Variants in VRK2 observed in about 807,000 individuals in gnomAD.
VRK2 encodes serine/threonine-protein kinase VRK2.
A neutral mutation model predicts 57.6 loss-of-function variants in VRK2; 60 were observed. That is an observed-to-expected ratio of 1.04 (90% CI 0.85 to 1.29). VRK2 has a LOEUF of 1.29. VRK2 is among the 50% of genes most tolerant of loss of function. The pLI is 0.00. For missense variants in VRK2, 705 were observed against 588.1 expected, an observed-to-expected ratio of 1.20 and a Z score of -2.06; for synonymous variants, 231 against 199.2, an observed-to-expected ratio of 1.16 and a Z score of -1.35.
chr2:57,957,612 T>C (rs1671626700), intron 1 of VRK2, among the ~76,000 whole-genome samples: 2 of 144,632 alleles, frequency 1.4e-5, no homozygotes, highest in South Asian at 4.2e-4. Flanking sequence ...ATATATATAC[T>C]ATATTATATA....
intron 7 of VRK2, among the ~76,000 whole-genome samples, chr2:58,098,555 ATTGTGTTACAG>A (rs1357899756): frequency 1.3e-4 from 20 of 152,158 alleles, no homozygotes; most frequent in Middle Eastern, 6.8e-3. Context: ...CACAAATGCT[ATTGTGTTACAG>A]TTGTCTGCAG....
At position 58,088,321 on chromosome 2, in the gene VRK2, T is replaced by A. The variant is rs1671916963; in HGVS notation, c.345-20T>A. ...ATTACTTTCTCAGGATGATCTCTTT[T>A]TGATGCTTTTTTCTTACAGTTACAG... On this transcript the variant is annotated intron_variant, in intron 5 of 12. Transcript: ENST00000340157. 3 of 1,524,864 alleles carry A rather than the reference T, an allele frequency of 2.0e-6. No individual in the cohort carries two copies. The highest frequency in any genetic ancestry group is 2.7e-6 in the Non-Finnish European group (3 of 1,110,664). 94.5% of individuals were successfully genotyped at this position (1,524,864 alleles called of 1,614,324 possible).
At chr2:58,075,130 T>C (rs1039520997) in intron 2 of VRK2, among the ~76,000 whole-genome samples, 19 of 152,266 alleles carry the variant, frequency 1.2e-4, no homozygotes, top group African/African-American at 4.1e-4. Flanking sequence ...TGCTTATAAG[T>C]GAGGACATGC....
At chr2:57,937,642 A>G (rs12990929) in intron 1 of VRK2, among the ~76,000 whole-genome samples, 2,231 of 152,296 alleles carry the variant, frequency 0.015, 23 homozygotes, top group Non-Finnish European at 0.023. Context: ...CCATTCAAAG[A>G]TCTGCACAGC....
At chr2:58,122,698 C>G (rs559294457) in intron 7 of VRK2, among the ~76,000 whole-genome samples, 1 of 152,190 alleles carries the variant, frequency 6.6e-6, no homozygotes, top group South Asian at 2.1e-4. Flanking sequence ...AGAATGTTTG[C>G]TCTTATCTCC....
intron 1 of VRK2, among the ~76,000 whole-genome samples, chr2:57,944,803 A>G (rs1282319506): frequency 7.2e-6 from 1 of 139,826 alleles, no homozygotes; most frequent in Non-Finnish European, 1.5e-5. Context: ...AATGGCAAAA[A>G]AAAGTCATCC....
chr2:58,152,755 A>ACAGTTTAACAGTCTAAC, intron 12 of VRK2, among the ~76,000 whole-genome samples: 1 of 151,802 alleles, frequency 6.6e-6, no homozygotes, highest in South Asian at 2.1e-4. Context: ...GTTTATTTTG[A>ACAGTTTAACAGTCTAAC]AGTAACTGTA....
At chr2:57,977,104 T>G (rs1672274949) in intron 1 of VRK2, among the ~76,000 whole-genome samples, 1 of 152,170 alleles carries the variant, frequency 6.6e-6, no homozygotes, top group African/African-American at 2.4e-5. Context: ...TCTGCTGTTT[T>G]GGTTACTGTA....
intron 3 of VRK2, among the ~76,000 whole-genome samples, chr2:58,037,421 G>C (rs1436868879): frequency 6.6e-6 from 1 of 152,044 alleles, no homozygotes; most frequent in Non-Finnish European, 1.5e-5. Context: ...CTTAGAATCT[G>C]TTTATTTTCT....
chr2:58,073,832 T>C (rs1669694021), intron 2 of VRK2, among the ~76,000 whole-genome samples: 1 of 151,932 alleles, frequency 6.6e-6, no homozygotes, highest in Non-Finnish European at 1.5e-5. Flanking sequence ...GCATCCAGCA[T>C]GGGAGAATGA....
At chr2:58,008,434 C>T (rs1158024631) in intron 1 of VRK2, among the ~76,000 whole-genome samples, 1 of 151,902 alleles carries the variant, frequency 6.6e-6, no homozygotes, top group African/African-American at 2.4e-5. Flanking sequence ...ATAATAGCTA[C>T]TGTTTATTTA....
intron 10 of VRK2, among the ~76,000 whole-genome samples, chr2:58,136,412 T>A (rs192863584): frequency 0.01 from 1,508 of 149,720 alleles, 14 homozygotes; most frequent in Non-Finnish European, 0.015. Context: ...TGAGACAGAG[T>A]CTCGCTCTGT....
intron 1 of VRK2, among the ~76,000 whole-genome samples, chr2:57,933,669 T>TC (rs1670813438): frequency 6.6e-6 from 1 of 151,262 alleles, no homozygotes; most frequent in South Asian, 2.1e-4. Context: ...GGTTGTTTTT[T>TC]TTTTCTTATC....
chr2:58,086,283 G>A (rs774085382), intron 4 of VRK2, 56 bp from the exon 5 acceptor site: 11 of 1,456,962 alleles, frequency 7.5e-6, no homozygotes, highest in Admixed American at 2.1e-5. Flanking sequence ...GTAGAAAGGT[G>A]ACAAGTATCT....
At chr2:58,068,329 T>G (rs555125962) in intron 2 of VRK2, among the ~76,000 whole-genome samples, 1 of 152,286 alleles carries the variant, frequency 6.6e-6, no homozygotes, top group East Asian at 1.9e-4. Context: ...CAAAAGGTAT[T>G]TTTGCTGGAT....
chr2:57,944,051 C>G (rs1296753456), intron 1 of VRK2, among the ~76,000 whole-genome samples: 1 of 152,102 alleles, frequency 6.6e-6, no homozygotes, highest in Non-Finnish European at 1.5e-5. Context: ...GACAGCTGAT[C>G]TAAATGAAAA....
chr2:57,921,127 C>A (rs982137185), intron 1 of VRK2, among the ~76,000 whole-genome samples: 1 of 151,942 alleles, frequency 6.6e-6, no homozygotes, highest in Non-Finnish European at 1.5e-5. Context: ...TGGTATTTTT[C>A]AAAATGTCTC....
chr2:58,098,510 T>G (rs34287580), intron 7 of VRK2, among the ~76,000 whole-genome samples: 10,334 of 152,180 alleles, frequency 0.068, 444 homozygotes, highest in South Asian at 0.14. Context: ...ATGGTACTTT[T>G]AATATACCTT....
chr2:58,048,636 G>A (rs912688093), intron 1 of VRK2, 191 bp from the exon 2 acceptor site: 5 of 1,494,286 alleles, frequency 3.3e-6, no homozygotes, highest in Non-Finnish European at 4.5e-6. Context: ...TTAGATCTCA[G>A]TATTGTAATG....
Sources: allele counts gnomAD v4.1 joint callset (sites outside exome capture counted in the v4.1 genomes callset), GRCh38; gene constraint gnomAD v4.1.1; transcripts MANE v1.5; gene names NCBI Gene and HGNC (gene_info 2026-07-23, HGNC 2026-07-21).